Variants in SNTG1 observed in about 807,000 individuals in gnomAD.
SNTG1 encodes the protein gamma-1-syntrophin.
In SNTG1, 39 loss-of-function variants were observed where a neutral mutation model predicts 74.7. The observed-to-expected ratio is 0.52, with a 90% CI of 0.40 to 0.68. The LOEUF (loss-of-function observed/expected upper bound fraction) is 0.68, where lower values mean the gene tolerates loss of function less well. Among genes scored for constraint, SNTG1 ranks in the 30% least tolerant of loss-of-function variants. The probability of loss-of-function intolerance (pLI) is 0.00; values close to 1 mark genes in which losing one functional copy is unlikely to be tolerated. For synonymous variants in SNTG1, 254 were observed against 217.1 expected, an observed-to-expected ratio of 1.17 and a Z score of -1.49; for missense variants, 685 against 609.5, an observed-to-expected ratio of 1.12 and a Z score of -1.30.
intron 8 of SNTG1, among the ~76,000 whole-genome samples, chr8:50,459,293 G>A (rs1040455183): frequency 3.3e-5 from 5 of 152,036 alleles, no homozygotes; most frequent in African/African-American, 7.2e-5. Flanking sequence ...GAAATTAAAC[G>A]TTGGTAAGCC....
intron 9 of SNTG1, among the ~76,000 whole-genome samples, chr8:50,515,895 T>C (rs1203559388): frequency 6.6e-6 from 1 of 151,962 alleles, no homozygotes; most frequent in African/African-American, 2.4e-5. Flanking sequence ...ACTTAAACGT[T>C]CCTGCCTGCC....
chr8:50,691,507 A>C (rs556402548), intron 15 of SNTG1, among the ~76,000 whole-genome samples: 1 of 152,230 alleles, frequency 6.6e-6, no homozygotes, highest in African/African-American at 2.4e-5. Context: ...TTCAGTTATG[A>C]AGCTTAGTTT....
intron 1 of SNTG1, among the ~76,000 whole-genome samples, chr8:49,935,332 C>A (rs1233511390): frequency 6.7e-6 from 1 of 149,488 alleles, no homozygotes; most frequent in Non-Finnish European, 1.5e-5. Context: ...GACTTTGATG[C>A]ATGTCTTAGG....
rs141741896 is a variant in SNTG1 at position 49,959,744 on chromosome 8, G to C, written c.-103+47513G>C. Among the ~76,000 whole-genome samples, 565 of 152,252 alleles carry C rather than the reference G, an allele frequency of 3.7e-3. 7 individuals are homozygous for C. The highest frequency in any genetic ancestry group is 0.011 in the African/African-American group (468 of 41,542). ...CTACTTTTGGGCTATTATGAATAATGCTTTTGTGAACAGCTGTATCCAAGT... is the reference window on the plus strand; with the variant it reads ...CTACTTTTGGGCTATTATGAATAATCCTTTTGTGAACAGCTGTATCCAAGT... On this transcript the variant is annotated intron_variant, in intron 1 of 18. Transcript: ENST00000642720.
Position 50,190,290 on chromosome 8 carries a change from A to C in SNTG1, c.-28+17655A>C, listed in dbSNP as rs573557488. 2.6e-5 allele frequency among the ~76,000 whole-genome samples: 4 copies of C among 152,258 alleles called. No homozygotes were observed. The South Asian group carries it at 8.3e-4, about 32-fold the overall frequency. ...TTCATGCAAAATACAGCTGTTAACCATATTTTTATAGTTATTACCTCCCTG... is the reference window on the plus strand; with the variant it reads ...TTCATGCAAAATACAGCTGTTAACCCTATTTTTATAGTTATTACCTCCCTG... On this transcript the variant is annotated intron_variant, in intron 2 of 18. Coordinates refer to ENST00000642720, the MANE Select transcript of SNTG1 (RefSeq NM_018967.5).
intron 18 of SNTG1, among the ~76,000 whole-genome samples, chr8:50,788,858 T>A (rs186516466): frequency 6.6e-6 from 1 of 151,932 alleles, no homozygotes; most frequent in African/African-American, 2.4e-5. Flanking sequence ...CGGCCTCAGA[T>A]CAATTGTCCA....
At chr8:49,972,697 G>A (rs1354104454) in intron 1 of SNTG1, among the ~76,000 whole-genome samples, 1 of 151,896 alleles carries the variant, frequency 6.6e-6, no homozygotes, top group Admixed American at 6.6e-5. Context: ...ATCAACAAGT[G>A]GGTGAAGGGT....
intron 2 of SNTG1, among the ~76,000 whole-genome samples, chr8:50,301,469 T>C (rs2089642460): frequency 6.6e-6 from 1 of 152,168 alleles, no homozygotes. Flanking sequence ...TTTATCATCA[T>C]CATACTGTCA....
intron 1 of SNTG1, among the ~76,000 whole-genome samples, chr8:49,929,949 G>A: frequency 7.1e-6 from 1 of 140,454 alleles, no homozygotes; most frequent in Non-Finnish European, 1.5e-5. Context: ...TCCCACCTAT[G>A]AGTGAGTGTT....
intron 1 of SNTG1, among the ~76,000 whole-genome samples, chr8:50,135,739 T>C (rs2081451848): frequency 6.6e-6 from 1 of 152,242 alleles, no homozygotes; most frequent in African/African-American, 2.4e-5. Flanking sequence ...TCAGTTTATC[T>C]GAAATTTTTG....
At chr8:50,497,962 G>T (rs2093918443) in intron 8 of SNTG1, among the ~76,000 whole-genome samples, 1 of 151,220 alleles carries the variant, frequency 6.6e-6, no homozygotes, top group Non-Finnish European at 1.5e-5. Context: ...CTTGTTATGT[G>T]GAGTCACATT....
intron 2 of SNTG1, among the ~76,000 whole-genome samples, chr8:50,375,067 C>T (rs1311383240): frequency 6.6e-6 from 1 of 152,114 alleles, no homozygotes; most frequent in Non-Finnish European, 1.5e-5. Flanking sequence ...TGTCTGCAGG[C>T]TAGATTTGGT....
At chr8:50,282,157 C>T (rs752871648) in intron 2 of SNTG1, among the ~76,000 whole-genome samples, 34 of 152,142 alleles carry the variant, frequency 2.2e-4, no homozygotes, top group Non-Finnish European at 4.7e-4. Context: ...ACCAGCTCCC[C>T]TCTGGCCAGA....
In SNTG1 at chr8:50,757,167, G is replaced by A. The variant is rs117002638; in HGVS notation, c.1395+5056G>A. 1.2e-3 allele frequency among the ~76,000 whole-genome samples: 184 copies of A among 151,758 alleles called. 2 individuals carry two copies. In the East Asian group the frequency reaches 0.013, roughly 10 times the overall value. On this transcript the variant is annotated intron_variant, in intron 18 of 18. Coordinates refer to ENST00000642720, the MANE Select transcript of SNTG1 (RefSeq NM_018967.5). ...CTAGTTTACTGAGAGTTTTTATCAC[G>A]CATGAGTGTCGGATGAGTTTTCTGG...
intron 2 of SNTG1, among the ~76,000 whole-genome samples, chr8:50,286,334 A>G (rs1412928338): frequency 6.6e-6 from 1 of 152,112 alleles, no homozygotes; most frequent in East Asian, 1.9e-4. Flanking sequence ...ATCTGTCCCA[A>G]TGTGACAAAC....
At chr8:50,130,598 C>T (rs1290950629) in intron 1 of SNTG1, among the ~76,000 whole-genome samples, 2 of 151,272 alleles carry the variant, frequency 1.3e-5, no homozygotes, top group African/African-American at 2.4e-5. Flanking sequence ...TGCGTTCACA[C>T]TTTTACTTAT....
At chr8:50,468,767 C>T (rs975599496) in intron 8 of SNTG1, among the ~76,000 whole-genome samples, 2 of 152,096 alleles carry the variant, frequency 1.3e-5, no homozygotes, top group Non-Finnish European at 2.9e-5. Context: ...CCACTACATC[C>T]TTCTCTTATT....
At chr8:50,581,035 A>C (rs2094606901) in intron 12 of SNTG1, among the ~76,000 whole-genome samples, 1 of 152,232 alleles carries the variant, frequency 6.6e-6, no homozygotes. Flanking sequence ...GTAATTACTT[A>C]AGTAAAAAAT....
chr8:49,938,608 T>TTTCTTTCTTTCC (rs1808374946), intron 1 of SNTG1, among the ~76,000 whole-genome samples: 3 of 51,546 alleles, frequency 5.8e-5, no homozygotes, highest in African/African-American at 1.7e-4. Flanking sequence ...TTTTCTTTTC[T>TTTCTTTCTTTCC]TTCTTTCTTT....
Sources: allele counts gnomAD v4.1 joint callset (sites outside exome capture counted in the v4.1 genomes callset), GRCh38; gene constraint gnomAD v4.1.1; transcripts MANE v1.5; gene names NCBI Gene and HGNC (gene_info 2026-07-23, HGNC 2026-07-21).